The following VPS45 variants were observed in gnomAD, a reference collection of about 807,000 sequenced individuals.
VPS45 encodes vacuolar protein sorting 45 homolog.
VPS45 carries 35 observed loss-of-function variants against 75.9 expected under a neutral mutation model. The ratio of observed to expected loss-of-function variants is 0.46; its 90% CI spans 0.35 to 0.61. The LOEUF (loss-of-function observed/expected upper bound fraction) is 0.61, where lower values mean the gene tolerates loss of function less well. Ranked by LOEUF, VPS45 falls within the 20% of genes least tolerant of loss-of-function variation. VPS45 has a pLI of 0.00. For missense variants in VPS45, 559 were observed against 685.9 expected (o/e 0.81, Z 2.07); for synonymous variants, 220 against 238.2 (o/e 0.92, Z 0.70).
intron 10 of VPS45, among the ~76,000 whole-genome samples, chr1:150,085,556 ATAACT>A (rs1655960006): frequency 6.6e-6 from 1 of 152,136 alleles, no homozygotes; most frequent in Non-Finnish European, 1.5e-5. Context: ...ATTTGGCAAC[ATAACT>A]TAAATAGTCT....
At chr1:150,087,110 A>G (rs1656060192) in intron 10 of VPS45, among the ~76,000 whole-genome samples, 1 of 152,212 alleles carries the variant, frequency 6.6e-6, no homozygotes, top group South Asian at 2.1e-4. Flanking sequence ...CAGAAAAGTA[A>G]AAAAAGATTT....
chr1:150,103,405 A>G (rs1188122983), intron 13 of VPS45, among the ~76,000 whole-genome samples: 1 of 152,218 alleles, frequency 6.6e-6, no homozygotes, highest in African/African-American at 2.4e-5. Context: ...CAGCTTGAAT[A>G]AGTAGTAGGA....
Position 150,067,875 on chromosome 1 carries a change from T to G in VPS45, c.18T>G (p.Ala6=). The change falls in exon 1 of 15, where the codon GCT becomes GCG. Residue 6 remains alanine, a synonymous_variant. Transcript: ENST00000644510. MNVVF[A]VKQYISKMIE... Reference sequence around the variant, plus strand: ...TCGCCGCCATGAACGTGGTTTTTGCTGTGAAGCAGTACATTTCCAAAATGA... The same window carrying G: ...TCGCCGCCATGAACGTGGTTTTTGCGGTGAAGCAGTACATTTCCAAAATGA... 1.2e-6 allele frequency: 2 copies of G among 1,614,116 alleles called. No homozygotes were observed. The highest frequency in any genetic ancestry group is 1.7e-6 in the Non-Finnish European group (2 of 1,179,954).
chr1:150,111,350 A>G (rs1553807147), intron 14 of VPS45, among the ~76,000 whole-genome samples: 1 of 152,236 alleles, frequency 6.6e-6, no homozygotes. Flanking sequence ...TAGGCAACAT[A>G]CATACACAAA....
At chr1:150,119,875 G>A (rs945440317) in intron 14 of VPS45, among the ~76,000 whole-genome samples, 2 of 152,182 alleles carry the variant, frequency 1.3e-5, no homozygotes, top group African/African-American at 4.8e-5. Flanking sequence ...TTGGGAGGCC[G>A]AGGCAGGCGG....
At chr1:150,095,614 C>CAAA (rs782156604) in intron 13 of VPS45, among the ~76,000 whole-genome samples, 2 of 144,466 alleles carry the variant, frequency 1.4e-5, no homozygotes, top group Non-Finnish European at 1.5e-5. Context: ...GACCCCATCT[C>CAAA]AAAAAAAAAA....
At chr1:150,074,899 A>T (rs4926406) in intron 3 of VPS45, among the ~76,000 whole-genome samples, 36,028 of 150,780 alleles carry the variant, frequency 0.24, 6,152 homozygotes, top group African/African-American at 0.48. Flanking sequence ...TCATTTTTTT[A>T]AAAAACACAT....
intron 13 of VPS45, among the ~76,000 whole-genome samples, chr1:150,107,490 G>T (rs1406860132): frequency 6.6e-6 from 1 of 152,132 alleles, no homozygotes; most frequent in East Asian, 1.9e-4. Flanking sequence ...GATGTCTTTA[G>T]TTCTAGGTTT....
In VPS45 at chr1:150,130,198, C is replaced by CTT. The variant is rs34302545; in HGVS notation, c.1626-14492_1626-14491dup. On this transcript the variant is annotated intron_variant, in intron 14 of 14. Coordinates refer to ENST00000644510, the MANE Select transcript of VPS45 (RefSeq NM_007259.5). The stretch of plus-strand genomic sequence containing the variant: ...TATCTATATATAATACACACACACA[C>CTT]TTTTTTTTTTTTTTTTTTTTGAGAG... Among the ~76,000 whole-genome samples, 226 of 86,322 alleles carry CTT rather than the reference C, an allele frequency of 2.6e-3. 19 individuals carry two copies. Among genetic ancestry groups the CTT allele is most frequent in the African/African-American group, 0.011 (210 of 19,928 alleles). 56.6% of individuals were successfully genotyped at this position (86,322 alleles called of 152,430 possible). A position where few individuals can be genotyped will look rare whatever the true frequency, so the allele number is the denominator to read the frequency against.
intron 14 of VPS45, among the ~76,000 whole-genome samples, chr1:150,117,271 C>A (rs1276321513): frequency 6.6e-6 from 1 of 151,480 alleles, no homozygotes; most frequent in Non-Finnish European, 1.5e-5. Flanking sequence ...CCTGTAATCC[C>A]AGCACTTTGG....
At chr1:150,100,705 CA>C (rs1656931291) in intron 13 of VPS45, among the ~76,000 whole-genome samples, 1 of 152,036 alleles carries the variant, frequency 6.6e-6, no homozygotes, top group Non-Finnish European at 1.5e-5. Flanking sequence ...TGATCTTTGA[CA>C]AAGCTGATAA....
Position 150,076,230 on chromosome 1 carries a change from C to T in VPS45, c.290-3C>T, listed in dbSNP as rs1466450752. 1 of 1,597,194 alleles carries T rather than the reference C, an allele frequency of 6.3e-7. No homozygotes were observed. The highest frequency in any genetic ancestry group is 8.5e-7 in the Non-Finnish European group (1 of 1,170,126). ...TGAGTCAACCCCAACTCATGTGTTTCAGATTTCAGTAATGTGATCAGCAAG... is the reference window on the plus strand; with the variant it reads ...TGAGTCAACCCCAACTCATGTGTTTTAGATTTCAGTAATGTGATCAGCAAG... On this transcript the variant is annotated splice_region_variant and splice_polypyrimidine_tract_variant and intron_variant, in intron 3 of 14. Transcript: ENST00000644510.
intron 11 of VPS45, 60 bp downstream of exon 11, chr1:150,092,155 C>G (rs1656359094): frequency 6.4e-7 from 1 of 1,554,870 alleles, no homozygotes; most frequent in African/African-American, 1.4e-5. Flanking sequence ...ATATTCTTAG[C>G]TCTAACGAAT....
In VPS45 at chr1:150,133,318, G is replaced by A. The variant is rs372043660; in HGVS notation, c.1626-11391G>A. On this transcript the variant is annotated intron_variant, in intron 14 of 14. Coordinates refer to ENST00000644510, the MANE Select transcript of VPS45 (RefSeq NM_007259.5). ...TAATATCAGCACTTTGGGAGGCTGAGGTGTATGGATCACCTGAGGTCAGGA... is the reference window on the plus strand; with the variant it reads ...TAATATCAGCACTTTGGGAGGCTGAAGTGTATGGATCACCTGAGGTCAGGA... 2.6e-4 allele frequency among the ~76,000 whole-genome samples: 40 copies of A among 152,302 alleles called. No homozygotes were observed. The East Asian group carries it at 7.1e-3, about 27-fold the overall frequency.
At chr1:150,130,532 C>A (rs587731719) in intron 14 of VPS45, among the ~76,000 whole-genome samples, 29 of 152,244 alleles carry the variant, frequency 1.9e-4, no homozygotes, top group Admixed American at 1.8e-3. Flanking sequence ...ACATACTCTA[C>A]ATGTGCTTTC....
At position 150,067,792 on chromosome 1, in the gene VPS45, A is replaced by G. The variant is rs1250329565; in HGVS notation, c.-66A>G. The stretch of plus-strand genomic sequence containing the variant: ...GAAGCAGCTGAGACCCGGCCAACAG[A>G]CTGGGGGTTAATTTAGCCAGAAAAG... On this transcript the variant is annotated 5_prime_UTR_variant, in exon 1 of 15. Coordinates refer to ENST00000644510, the MANE Select transcript of VPS45 (RefSeq NM_007259.5). The G allele has an allele frequency of 6.5e-7, 1 of 1,535,250 alleles. No individual in the cohort carries two copies. The highest frequency in any genetic ancestry group is 9.0e-7 in the Non-Finnish European group (1 of 1,112,444).
At chr1:150,079,247 C>G (rs1450164058) in intron 7 of VPS45, among the ~76,000 whole-genome samples, 1 of 152,094 alleles carries the variant, frequency 6.6e-6, no homozygotes, top group Non-Finnish European at 1.5e-5. Flanking sequence ...CTTTGTGTCT[C>G]TCTCATGTCT....
At position 150,118,218 on chromosome 1, in the gene VPS45, A is replaced by G. The variant is rs1275676342; in HGVS notation, c.1625+7591A>G. Among the ~76,000 whole-genome samples the G allele has an allele frequency of 1.5e-4, 21 of 142,190 alleles. 1 individual carries two copies. Among genetic ancestry groups the G allele is most frequent in the Admixed American group, 1.4e-3 (19 of 13,708 alleles). 93.3% of individuals were successfully genotyped at this position (142,190 alleles called of 152,430 possible). On this transcript the variant is annotated intron_variant, in intron 14 of 14. Transcript: ENST00000644510. ...AGAATCACTTGAACCCAGGAGACAG[A>G]GTTTGCAGTGAGCTGAGATGGCACC...
intron 2 of VPS45, 181 bp downstream of exon 2, chr1:150,068,945 C>A: frequency 1.7e-6 from 1 of 598,448 alleles, no homozygotes; most frequent in Non-Finnish European, 2.7e-6. Context: ...TGACCCCTTA[C>A]AGCCAGTTCT....
Sources: gnomAD v4.1 joint callset for allele counts (sites outside exome capture counted in the v4.1 genomes callset) on GRCh38, gnomAD v4.1.1 for gene constraint, MANE v1.5 for transcripts, NCBI Gene and HGNC (gene_info 2026-07-23, HGNC 2026-07-21) for gene names.